The following ABHD17B variants were observed in gnomAD, a reference collection of about 807,000 sequenced individuals.
The protein encoded by ABHD17B is abhydrolase domain containing 17B, depalmitoylase.
In ABHD17B, 9 loss-of-function variants were observed where a neutral mutation model predicts 26.2. That is an observed-to-expected ratio of 0.34 (90% CI 0.21 to 0.60). The LOEUF (loss-of-function observed/expected upper bound fraction) is 0.60. ABHD17B is among the 20% of genes least tolerant of loss of function. The pLI, the probability that ABHD17B is intolerant of heterozygous loss-of-function variation, is 0.80. For missense variants in ABHD17B, 224 were observed against 352.1 expected, an observed-to-expected ratio of 0.64 and a Z score of 2.91; for synonymous variants, 127 against 122.3, an observed-to-expected ratio of 1.04 and a Z score of -0.25.
At chr9:71,876,107 T>C (rs1826268355) in intron 1 of ABHD17B, among the ~76,000 whole-genome samples, 1 of 152,176 alleles carries the variant, frequency 6.6e-6, no homozygotes, top group African/African-American at 2.4e-5. Context: ...ATGTATGTAA[T>C]TACTGCCCAA....
In ABHD17B at chr9:71,907,277, T is replaced by C. The variant is rs192631617; in HGVS notation, c.-4+3357A>G. Among the ~76,000 whole-genome samples the C allele has an allele frequency of 2.7e-4, 41 of 152,262 alleles. 1 individual carries two copies. The East Asian group carries it at 7.3e-3, about 27-fold the overall frequency. ...TACCTAAATAAACATAGATAAATCT[T>C]GGCCAAGTTGTGTGAAGAAAGCAAG... On this transcript the variant is annotated intron_variant, in intron 1 of 3. Transcript: ENST00000333421.
chr9:71,877,992 T>C (rs558372724), intron 1 of ABHD17B, among the ~76,000 whole-genome samples: 46 of 152,336 alleles, frequency 3.0e-4, no homozygotes, highest in South Asian at 2.1e-4. Context: ...AGGCCTGGTA[T>C]AGGGCAGCAA....
chr9:71,908,150 G>C (rs1461269380), intron 1 of ABHD17B, among the ~76,000 whole-genome samples: 2 of 152,070 alleles, frequency 1.3e-5, no homozygotes, highest in Admixed American at 6.5e-5. Flanking sequence ...TAGCACTTTG[G>C]GAGGCCAAGG....
intron 1 of ABHD17B, among the ~76,000 whole-genome samples, chr9:71,898,153 A>G (rs1827013514): frequency 6.6e-6 from 1 of 152,132 alleles, no homozygotes; most frequent in Non-Finnish European, 1.5e-5. Context: ...TTTAATGTGG[A>G]GTAGATTTTA....
intron 1 of ABHD17B, among the ~76,000 whole-genome samples, chr9:71,876,150 G>A (rs964106361): frequency 5.3e-5 from 8 of 152,132 alleles, no homozygotes; most frequent in Non-Finnish European, 1.2e-4. Context: ...GTTTATTGTG[G>A]AAAAAAGGTA....
chr9:71,889,027 AAC>A (rs1249807607), intron 1 of ABHD17B, among the ~76,000 whole-genome samples: 1 of 148,070 alleles, frequency 6.8e-6, no homozygotes, highest in Non-Finnish European at 1.5e-5. Flanking sequence ...TAAAAAAAAA[AAC>A]AAACCAGCCA....
intron 1 of ABHD17B, among the ~76,000 whole-genome samples, chr9:71,905,577 A>C (rs1442341285): frequency 6.6e-6 from 1 of 152,228 alleles, no homozygotes; most frequent in African/African-American, 2.4e-5. Flanking sequence ...TATTTAATAA[A>C]GTTGAAGACA....
intron 1 of ABHD17B, among the ~76,000 whole-genome samples, chr9:71,904,692 C>T (rs1014318042): frequency 6.6e-6 from 1 of 151,970 alleles, no homozygotes; most frequent in African/African-American, 2.4e-5. Context: ...AATCAGAGTA[C>T]ACTAAAGTAG....
intron 1 of ABHD17B, among the ~76,000 whole-genome samples, chr9:71,878,270 A>C (rs1826338219): frequency 1.3e-5 from 2 of 152,196 alleles, no homozygotes; most frequent in Admixed American, 1.3e-4. Flanking sequence ...TCAGTGAGCT[A>C]AAAGATCAGG....
intron 3 of ABHD17B, among the ~76,000 whole-genome samples, chr9:71,867,764 C>CT (rs2132121377): frequency 6.6e-6 from 1 of 152,222 alleles, no homozygotes; most frequent in South Asian, 2.1e-4. Flanking sequence ...TGTCTGTGAA[C>CT]TAGAAGACTG....
intron 1 of ABHD17B, among the ~76,000 whole-genome samples, chr9:71,888,821 AAAC>A (rs746795181): frequency 6.6e-6 from 1 of 152,200 alleles, no homozygotes; most frequent in Non-Finnish European, 1.5e-5. Context: ...AAACTTTACC[AAAC>A]AACAACAAAG....
chr9:71,868,421 AAAAC>A (rs1826019253), intron 3 of ABHD17B, among the ~76,000 whole-genome samples: 1 of 152,218 alleles, frequency 6.6e-6, no homozygotes, highest in African/African-American at 2.4e-5. Context: ...CAGAGGAATC[AAAAC>A]AAACACTTTT....
In ABHD17B at chr9:71,886,663, G is replaced by A. The variant is rs144312603; in HGVS notation, c.-3-11580C>T. ...GCCTCCCGAGCAGCTGGGACCACAG[G>A]TGTGTGCCACCATGTCTGGCTAATT... On this transcript the variant is annotated intron_variant, in intron 1 of 3. Transcript: ENST00000333421. 3.7e-3 allele frequency among the ~76,000 whole-genome samples: 562 copies of A among 152,124 alleles called. 3 individuals are homozygous for A. Among genetic ancestry groups the A allele is most frequent in the Middle Eastern group, 0.014 (4 of 294 alleles).
intron 1 of ABHD17B, among the ~76,000 whole-genome samples, chr9:71,885,125 T>C (rs950982147): frequency 4.6e-5 from 7 of 151,980 alleles, no homozygotes; most frequent in African/African-American, 1.7e-4. Flanking sequence ...GGAGGGAATC[T>C]TGCCCCTCTT....
chr9:71,887,078 A>G (rs1826633164), intron 1 of ABHD17B, among the ~76,000 whole-genome samples: 1 of 152,134 alleles, frequency 6.6e-6, no homozygotes, highest in African/African-American at 2.4e-5. Context: ...TAAACTGAAC[A>G]AACGCCTTAA....
intron 1 of ABHD17B, among the ~76,000 whole-genome samples, chr9:71,903,073 T>A (rs1827188920): frequency 6.6e-6 from 1 of 152,204 alleles, no homozygotes; most frequent in South Asian, 2.1e-4. Context: ...CCTACCCTTT[T>A]AATGTGACTA....
chr9:71,908,313 A>G (rs1302198698), intron 1 of ABHD17B, among the ~76,000 whole-genome samples: 1 of 148,860 alleles, frequency 6.7e-6, no homozygotes, highest in African/African-American at 2.5e-5. Context: ...AATCACTTGA[A>G]CCCGGGAAGC....
chr9:71,877,292 A>G (rs1826305031), intron 1 of ABHD17B, among the ~76,000 whole-genome samples: 1 of 152,220 alleles, frequency 6.6e-6, no homozygotes, highest in Admixed American at 6.5e-5. Flanking sequence ...GTCTATGGTT[A>G]TTTGTCAACC....
chr9:71,892,798 T>C (rs1826829508), intron 1 of ABHD17B, among the ~76,000 whole-genome samples: 1 of 151,812 alleles, frequency 6.6e-6, no homozygotes, highest in African/African-American at 2.4e-5. Flanking sequence ...TTTTAAATTA[T>C]GGTAAAATAT....
Sources: allele counts gnomAD v4.1 joint callset (sites outside exome capture counted in the v4.1 genomes callset), GRCh38; gene constraint gnomAD v4.1.1; transcripts MANE v1.5; gene names NCBI Gene and HGNC (gene_info 2026-07-23, HGNC 2026-07-21).